The following PCDHA9 variants were observed in gnomAD, a reference collection of about 807,000 sequenced individuals.
PCDHA9 encodes the protein protocadherin alpha 9.
A neutral mutation model predicts 62.0 loss-of-function variants in PCDHA9; 62 were observed. The observed-to-expected ratio is 1.00, with a 90% CI of 0.81 to 1.23. The LOEUF is 1.23. PCDHA9 is among the 50% of genes most tolerant of loss of function. The pLI is 0.00. For missense variants in PCDHA9, 1,205 were observed against 1,249.8 expected (o/e 0.96, Z 0.54); for synonymous variants, 557 against 567.6 (o/e 0.98, Z 0.27).
intron 3 of PCDHA9, among the ~76,000 whole-genome samples, chr5:141,004,899 C>A (rs898562164): frequency 4.6e-5 from 7 of 152,096 alleles, no homozygotes. Context: ...TCAGCTCTGC[C>A]AGGGTGTAAG....
intron 1 of PCDHA9, chr5:140,969,487 T>C: frequency 6.8e-7 from 1 of 1,460,090 alleles, no homozygotes; most frequent in Non-Finnish European, 9.1e-7. Flanking sequence ...TAATCTGCTA[T>C]TTCCTCTCTA....
intron 1 of PCDHA9, among the ~76,000 whole-genome samples, chr5:140,893,346 C>A (rs1368723678): frequency 6.6e-6 from 1 of 152,104 alleles, no homozygotes; most frequent in Non-Finnish European, 1.5e-5. Context: ...AGTGGCAGTG[C>A]TAATTTACAT....
intron 1 of PCDHA9, chr5:140,927,485 C>T: frequency 6.2e-7 from 1 of 1,614,098 alleles, no homozygotes; most frequent in Non-Finnish European, 8.5e-7. Context: ...CAGCGCGCCA[C>T]CCACCTGCTG....
intron 1 of PCDHA9, among the ~76,000 whole-genome samples, chr5:140,906,790 C>A (rs1381392314): frequency 6.6e-6 from 1 of 152,276 alleles, no homozygotes; most frequent in South Asian, 2.1e-4. Flanking sequence ...TTGTGTATTC[C>A]ATGCATACTC....
chr5:141,000,379 CTCTCTCTCTCTCTCTCTA>C (rs1224441934), intron 3 of PCDHA9, among the ~76,000 whole-genome samples: 4 of 60,364 alleles, frequency 6.6e-5, no homozygotes, highest in Non-Finnish European at 9.2e-5. Flanking sequence ...CTCTCTCTCT[CTCTCTCTCTCTCTCTCTA>C]TATATATATA....
In PCDHA9 at chr5:141,011,200, A is replaced by C. The variant is rs1242625146; in HGVS notation, c.*1263A>C. 6.5e-6 allele frequency: 1 copy of C among 153,774 alleles called. No individual in the cohort carries two copies. Among genetic ancestry groups the C allele is most frequent in the Non-Finnish European group, 1.5e-5 (1 of 68,036 alleles). The allele number at this position is 153,774 out of a possible 1,614,324, so 9.5% of individuals were successfully genotyped here. ...AATTGAAGAAAAATATTGTTTTCTCATACAGTGAGCAGATTTTTCAATCTA... is the reference window on the plus strand; with the variant it reads ...AATTGAAGAAAAATATTGTTTTCTCCTACAGTGAGCAGATTTTTCAATCTA... On this transcript the variant is annotated 3_prime_UTR_variant, in exon 4 of 4. Transcript: ENST00000532602.
chr5:140,978,887 A>T, intron 1 of PCDHA9, 62 bp from the exon 2 acceptor site: 1 of 1,611,648 alleles, frequency 6.2e-7, no homozygotes, highest in Non-Finnish European at 8.5e-7. Context: ...ATCAATTAGC[A>T]GCATTCCTGG....
In PCDHA9 at chr5:140,887,388, G is replaced by A. The variant is rs138166374; in HGVS notation, c.2394+36499G>A. ...TGGGATTACAGGTGTGAGCCACCGC[G>A]CCCGGCTCTTTATCTCATTTTTATT... is the stretch of plus-strand genomic sequence containing the variant. On this transcript the variant is annotated intron_variant, in intron 1 of 3. Transcript: ENST00000532602. 5.8e-3 allele frequency among the ~76,000 whole-genome samples: 888 copies of A among 152,192 alleles called. 10 individuals carry two copies. The highest frequency in any genetic ancestry group is 0.019 in the African/African-American group (805 of 41,536).
chr5:140,981,446 T>C (rs1586884316), intron 2 of PCDHA9, among the ~76,000 whole-genome samples: 4 of 152,058 alleles, frequency 2.6e-5, no homozygotes, highest in Admixed American at 1.3e-4. Context: ...TGGTGGCGGG[T>C]GCCTGTAGTC....
intron 1 of PCDHA9, chr5:140,862,986 T>C (rs897931834): frequency 3.7e-6 from 2 of 546,930 alleles, no homozygotes; most frequent in Non-Finnish European, 3.6e-6. Flanking sequence ...GTGGCGAAGG[T>C]GCGCACGGTG....
chr5:140,993,462 TCACACACACACACACA>T (rs3836747), intron 3 of PCDHA9, among the ~76,000 whole-genome samples: 191 of 141,044 alleles, frequency 1.4e-3, no homozygotes, highest in African/African-American at 3.8e-3. Context: ...TCTTTCTTTC[TCACACACACACACACA>T]CACACACACA....
intron 1 of PCDHA9, among the ~76,000 whole-genome samples, chr5:140,974,580 T>C (rs2153804250): frequency 6.6e-6 from 1 of 152,286 alleles, no homozygotes; most frequent in South Asian, 2.1e-4. Context: ...GGCATGATCT[T>C]GGCTCACTGC....
At chr5:140,852,024 C>A in intron 1 of PCDHA9, 1 of 949,532 alleles carries the variant, frequency 1.1e-6, no homozygotes, top group Non-Finnish European at 1.3e-6. Context: ...TTAAAAACTT[C>A]GCTTATTGAG....
chr5:140,986,371 G>T (rs1453761888), intron 3 of PCDHA9, among the ~76,000 whole-genome samples: 2 of 152,116 alleles, frequency 1.3e-5, no homozygotes, highest in African/African-American at 2.4e-5. Flanking sequence ...AATGCGTTTT[G>T]GGGGGAGGGA....
At chr5:140,895,880 C>T (rs564030159) in intron 1 of PCDHA9, among the ~76,000 whole-genome samples, 4 of 152,240 alleles carry the variant, frequency 2.6e-5, no homozygotes, top group East Asian at 3.9e-4. Flanking sequence ...GGCGCGATCT[C>T]GGCTCACTGC....
At chr5:140,898,984 C>T (rs1237034997) in intron 1 of PCDHA9, among the ~76,000 whole-genome samples, 3 of 151,964 alleles carry the variant, frequency 2.0e-5, no homozygotes, top group Non-Finnish European at 4.4e-5. Flanking sequence ...TGATTTGGCT[C>T]TCTGTTTGTC....
Position 140,850,669 on chromosome 5 carries a change from C to A in PCDHA9, c.2174C>A (p.Ala725Glu). ...CTGTACACTGTGCTGCGGTGCTCGG[C>A]GATGCCCACCGAGGGCGAGTGCGCG... is the stretch of plus-strand genomic sequence containing the variant. The part of the protein sequence containing the change: ...LLLYTVLRCS[A>E]MPTEGECAPG... The change falls in exon 1 of 4, where the codon GCG becomes GAG. Residue 725 changes from alanine to glutamate, a missense_variant. By Grantham distance (107) the Ala-to-Glu change is moderately radical (BLOSUM62 -1). Around this residue, in one of 3 missense-constraint regions of PCDHA9, gnomAD observed 887 missense variants for 809.5 expected, o/e 1.10. Coordinates refer to ENST00000532602, the MANE Select transcript of PCDHA9 (RefSeq NM_031857.2). 6.3e-7 allele frequency: 1 copy of A among 1,598,502 alleles called. No individual in the cohort carries two copies. Among genetic ancestry groups the A allele is most frequent in the South Asian group, 1.1e-5 (1 of 90,540 alleles).
intron 1 of PCDHA9, chr5:140,883,380 T>C (rs1554177974): frequency 1.2e-6 from 2 of 1,614,176 alleles, no homozygotes; most frequent in Admixed American, 3.3e-5. Context: ...ATTATTGCCC[T>C]AATCAGTGTG....
At chr5:140,902,895 T>C (rs1554190698) in intron 1 of PCDHA9, among the ~76,000 whole-genome samples, 1 of 152,222 alleles carries the variant, frequency 6.6e-6, no homozygotes, top group Non-Finnish European at 1.5e-5. Flanking sequence ...TATTATTTTA[T>C]TTAGTTTATG....
Sources: allele counts gnomAD v4.1 joint callset (sites outside exome capture counted in the v4.1 genomes callset), GRCh38; gene constraint gnomAD v4.1.1; regional missense constraint gnomAD v4.1.1; transcripts MANE v1.5; gene names NCBI Gene and HGNC (gene_info 2026-07-23, HGNC 2026-07-21).